Variants in ERMN observed in about 807,000 individuals in gnomAD.
ERMN encodes ermin, ERM-like protein.
In ERMN, 17 loss-of-function variants were observed where a neutral mutation model predicts 21.4. The ratio of observed to expected loss-of-function variants is 0.80; its 90% CI spans 0.54 to 1.19. The LOEUF is 1.19. Ranked by LOEUF, ERMN falls within the 50% of genes most tolerant of loss-of-function variation. The probability of loss-of-function intolerance (pLI) is 0.00; values close to 1 mark genes in which losing one functional copy is unlikely to be tolerated. For synonymous variants in ERMN, 115 were observed against 111.9 expected, an observed-to-expected ratio of 1.03 and a Z score of -0.17; for missense variants, 348 against 331.6, an observed-to-expected ratio of 1.05 and a Z score of -0.38.
In ERMN at chr2:157,324,763, C is replaced by A; in HGVS notation, c.242-1G>T. 6.3e-7 allele frequency: 1 copy of A among 1,594,668 alleles called. No homozygotes were observed. The highest frequency in any genetic ancestry group is 1.1e-5 in the South Asian group (1 of 87,204). On this transcript the variant is annotated splice_acceptor_variant, in intron 1 of 2. Transcript: ENST00000410096. LOFTEE classifies it high-confidence loss of function. ...ATAAAGAGTTTCTCTTCTGGGTTTT[C>A]TAGGAAAAAAATATAAAATCAGTAT...
upstream of ERMN, among the ~76,000 whole-genome samples, chr2:157,326,093 G>C (rs916716917): frequency 2.0e-5 from 3 of 152,276 alleles, no homozygotes; most frequent in Admixed American, 6.5e-5. Context: ...AGCCACAATT[G>C]TCCCACAGCT....
At position 157,321,011 on chromosome 2, in the gene ERMN, T is replaced by G. The variant is rs1683877240; in HGVS notation, c.*260A>C. The G allele has an allele frequency of 6.9e-6, 3 of 436,650 alleles. No individual in the cohort carries two copies. 27.0% of individuals were successfully genotyped at this position (436,650 alleles called of 1,614,324 possible). A position where few individuals can be genotyped will look rare whatever the true frequency, so the allele number is the denominator to read the frequency against. ...CAGATTCCCCCAGGGGACTGACTGC[T>G]TAGTGCTTATCACACAATGCTATAT... is the stretch of plus-strand genomic sequence containing the variant. On this transcript the variant is annotated 3_prime_UTR_variant, in exon 3 of 3. Coordinates refer to ENST00000410096, the MANE Select transcript of ERMN (RefSeq NM_020711.3).
chr2:157,325,569 G>T lies in ERMN; in HGVS notation c.74C>A (p.Thr25Lys), dbSNP rs376093485. ...GDKPPENGQQ[T>K]ITKISEELTD... ...CAATTCCTCACTGATTTTAGTGATT[G>T]TTTGTTGACCGTTTTCAGGTGGTTT... The change falls in exon 1 of 3, where the codon ACA becomes AAA. Residue 25 changes from threonine to lysine, a missense_variant. Transcript: ENST00000410096. 50 of 1,614,152 alleles carry T rather than the reference G, an allele frequency of 3.1e-5. No individual in the cohort carries two copies. The African/African-American group carries it at 6.1e-4, about 20-fold the overall frequency.
chr2:157,326,222 T>C (rs557788514), upstream of ERMN, among the ~76,000 whole-genome samples: 1 of 152,342 alleles, frequency 6.6e-6, no homozygotes, highest in East Asian at 1.9e-4. Flanking sequence ...AATGGCATTG[T>C]TTCTTATTTA....
chr2:157,327,287 C>T (rs1684090693), upstream of ERMN: 2 of 576,176 alleles, frequency 3.5e-6, no homozygotes, highest in Middle Eastern at 4.7e-4. Context: ...ATCCCCTCTC[C>T]CTTGTCCTTG....
rs1323944627 is a variant in ERMN, at chr2:157,325,410, A to C, written c.233T>G (p.Met78Arg). Residue 78 changes from methionine (M) to arginine (R), a missense_variant, in exon 1 of 3, where the codon ATG (methionine) becomes AGG (arginine). Transcript: ENST00000410096. The stretch of plus-strand genomic sequence containing the variant: ...GAAGGGAAACACTTTACCTTTTAGC[A>C]TTTTGTCCTCCATGGATGAGTTGAG... ...MLLNSSMEDK[M>R]LKENPEEKLF... 6.2e-7 allele frequency: 1 copy of C among 1,613,772 alleles called. No individual in the cohort carries two copies. Among genetic ancestry groups the C allele is most frequent in the East Asian group, 2.2e-5 (1 of 44,900 alleles).
At chr2:157,322,318 G>T (rs74906936) in intron 2 of ERMN, among the ~76,000 whole-genome samples, 1 of 151,778 alleles carries the variant, frequency 6.6e-6, no homozygotes, top group Non-Finnish European at 1.5e-5. Context: ...AAAAATGCTC[G>T]TTTCCAATAC....
rs1446432622 is a variant in ERMN at position 157,318,833 on chromosome 2, C to T, written c.*2438G>A. On this transcript the variant is annotated 3_prime_UTR_variant, in exon 3 of 3. Transcript: ENST00000410096. ...AAAACAAAAAATCATGTAAGAAATA[C>T]CAGCATTTGCACAATAAATTAATTC... The T allele has an allele frequency of 6.6e-6, 1 of 152,070 alleles. No individual in the cohort carries two copies. The allele number at this position is 152,070 out of a possible 1,614,324, so 9.4% of individuals were successfully genotyped here.
In ERMN at chr2:157,321,217, A is replaced by C; in HGVS notation, c.*54T>G. On this transcript the variant is annotated 3_prime_UTR_variant, in exon 3 of 3. Coordinates refer to ENST00000410096, the MANE Select transcript of ERMN (RefSeq NM_020711.3). The stretch of plus-strand genomic sequence containing the variant: ...GGCATAGAAATATGCACCCTGGGGC[A>C]ATAGAATTAGCTTTTCCTTTAGTGG... 1 of 1,563,128 alleles carries C rather than the reference A, an allele frequency of 6.4e-7. No homozygotes were observed. Among genetic ancestry groups the C allele is most frequent in the African/African-American group, 1.4e-5 (1 of 73,806 alleles).
Position 157,321,539 on chromosome 2 carries a change from T to C in ERMN, c.587A>G (p.Asn196Ser). 6.2e-7 allele frequency: 1 copy of C among 1,614,022 alleles called. No homozygotes were observed. ...TATCACTCGAACTTCATCTTCATCA[T>C]TATTGCAATTATCATCATCATCATC... Reference protein sequence around the residue: ...IDDDDDDNCNNDEDEVRVIEF... With the variant: ...IDDDDDDNCNSDEDEVRVIEF... The change falls in exon 3 of 3, where the codon AAT becomes AGT. Residue 196 changes from asparagine (N) to serine (S), a missense_variant. Physicochemically the swap from Asn to Ser is conservative, Grantham distance 46 (BLOSUM62 1). Coordinates refer to ENST00000410096, the MANE Select transcript of ERMN (RefSeq NM_020711.3).
intron 1 of ERMN, 56 bp from the exon 2 acceptor site, chr2:157,324,818 A>G (rs991338759): frequency 1.6e-6 from 2 of 1,228,060 alleles, no homozygotes; most frequent in Admixed American, 2.3e-5. Flanking sequence ...ATTGTTCAAC[A>G]GTTAATAAGT....
At position 157,321,287 on chromosome 2, in the gene ERMN, G is replaced by T; in HGVS notation, c.839C>A (p.Ser280Tyr). 6.2e-7 allele frequency: 1 copy of T among 1,613,160 alleles called. No homozygotes were observed. Among genetic ancestry groups the T allele is most frequent in the South Asian group, 1.1e-5 (1 of 90,974 alleles). Residue 280 changes from serine to tyrosine, a missense_variant, in exon 3 of 3, where the codon TCT (serine) becomes TAT (tyrosine). By Grantham distance (144) the Ser-to-Tyr change is moderately radical (BLOSUM62 -2). Transcript: ENST00000410096. Reference sequence around the variant, plus strand: ...CCAGTTAGTTTATAAATGCATCATAGACTCGAATTCATCAATTCTTTGCTT... The same window carrying T: ...CCAGTTAGTTTATAAATGCATCATATACTCGAATTCATCAATTCTTTGCTT... The part of the protein sequence containing the change: ...NTKQRIDEFE[S>Y]MMHL
Position 157,321,304 on chromosome 2 carries a change from T to C in ERMN, c.822A>G (p.Arg274=), listed in dbSNP as rs1265652196. The change falls in exon 3 of 3, where the codon AGA becomes AGG. Residue 274 remains arginine, a synonymous_variant. Transcript: ENST00000410096. ...GCATCATAGACTCGAATTCATCAATTCTTTGCTTGGTATTTCCCTTTCTGA... is the reference window on the plus strand; with the variant it reads ...GCATCATAGACTCGAATTCATCAATCCTTTGCTTGGTATTTCCCTTTCTGA... ...RKIRKGNTKQ[R]IDEFESMMHL The C allele has an allele frequency of 1.1e-5, 17 of 1,613,840 alleles. No individual in the cohort carries two copies. The highest frequency in any genetic ancestry group is 1.7e-5 in the Admixed American group (1 of 60,004).
intron 2 of ERMN, among the ~76,000 whole-genome samples, chr2:157,322,830 A>C (rs1049397676): frequency 6.6e-6 from 1 of 152,200 alleles, no homozygotes; most frequent in Non-Finnish European, 1.5e-5. Context: ...ATTATCCATA[A>C]ATACACATTA....
rs1462906289 is a variant in ERMN at position 157,319,102 on chromosome 2, C to T, written c.*2169G>A. 2 of 152,212 alleles carry T rather than the reference C, an allele frequency of 1.3e-5. No individual in the cohort carries two copies. The highest frequency in any genetic ancestry group is 4.8e-5 in the African/African-American group (2 of 41,452). 9.4% of individuals were successfully genotyped at this position (152,212 alleles called of 1,614,324 possible). On this transcript the variant is annotated 3_prime_UTR_variant, in exon 3 of 3. Transcript: ENST00000410096. The stretch of plus-strand genomic sequence containing the variant: ...TCACTTAACTCTGTGGCTTTCAACT[C>T]TGTGGCTTTCAACTCTGTGGCTTTC...
chr2:157,322,130 T>A (rs1435179073), intron 2 of ERMN, among the ~76,000 whole-genome samples: 2 of 151,730 alleles, frequency 1.3e-5, no homozygotes, highest in Non-Finnish European at 2.9e-5. Context: ...GAGACTGGTG[T>A]TCCCTGAGAC....
In ERMN at chr2:157,318,858, C is replaced by A. The variant is rs540018464; in HGVS notation, c.*2413G>T. On this transcript the variant is annotated 3_prime_UTR_variant, in exon 3 of 3. Transcript: ENST00000410096. ...CCAGCATTTGCACAATAAATTAATT[C>A]TCCCTCTTCCCTGGTACCAGAGTCC... The A allele has an allele frequency of 3.3e-5, 5 of 152,260 alleles. No individual in the cohort carries two copies. Among genetic ancestry groups the A allele is most frequent in the African/African-American group, 1.2e-4 (5 of 41,568 alleles). 9.4% of individuals were successfully genotyped at this position (152,260 alleles called of 1,614,324 possible).
upstream of ERMN, chr2:157,327,285 T>A (rs1019777724): frequency 1.8e-6 from 1 of 568,880 alleles, no homozygotes. Flanking sequence ...TAATCCCCTC[T>A]CCCTTGTCCT....
rs1018074129 is a variant in ERMN, at chr2:157,318,871, G to A, written c.*2400C>T. The stretch of plus-strand genomic sequence containing the variant: ...AATAAATTAATTCTCCCTCTTCCCT[G>A]GTACCAGAGTCCTTACCACCCCTGA... On this transcript the variant is annotated 3_prime_UTR_variant, in exon 3 of 3. Coordinates refer to ENST00000410096, the MANE Select transcript of ERMN (RefSeq NM_020711.3). 3 of 152,078 alleles carry A rather than the reference G, an allele frequency of 2.0e-5. No individual in the cohort carries two copies. The highest frequency in any genetic ancestry group is 4.4e-5 in the Non-Finnish European group (3 of 68,010). The allele number at this position is 152,078 out of a possible 1,614,324, so 9.4% of individuals were successfully genotyped here.
Sources: allele counts gnomAD v4.1 joint callset (sites outside exome capture counted in the v4.1 genomes callset), GRCh38; gene constraint gnomAD v4.1.1; transcripts MANE v1.5; gene names NCBI Gene and HGNC (gene_info 2026-07-23, HGNC 2026-07-21).